MYCBPAP: variants seen among roughly 807,000 people sequenced by gnomAD.
MYCBPAP encodes the protein MYCBP-associated protein.
MYCBPAP carries 60 observed loss-of-function variants against 106.1 expected under a neutral mutation model. The observed-to-expected ratio is 0.57, with a 90% CI of 0.46 to 0.70. The LOEUF (loss-of-function observed/expected upper bound fraction) is 0.70, where lower values mean the gene tolerates loss of function less well. MYCBPAP is among the 30% of genes least tolerant of loss of function. MYCBPAP has a pLI of 0.00. For missense variants in MYCBPAP, 1,064 were observed against 1,169.3 expected (o/e 0.91, Z 1.31); for synonymous variants, 407 against 440.6 (o/e 0.92, Z 0.95).
intron 7 of MYCBPAP, 104 bp downstream of exon 7, chr17:50,519,891 C>T (rs2034196421): frequency 3.1e-6 from 4 of 1,307,474 alleles, no homozygotes; most frequent in Non-Finnish European, 4.1e-6. Flanking sequence ...GGCCCAGGGC[C>T]TGTTTCTCTG....
intron 6 of MYCBPAP, 145 bp from the exon 7 acceptor site, chr17:50,519,495 A>T: frequency 1.0e-6 from 1 of 973,346 alleles, no homozygotes; most frequent in Non-Finnish European, 1.5e-6. Context: ...ACGGCAGTGG[A>T]TGCTTCTGTT....
At position 50,529,206 on chromosome 17, in the gene MYCBPAP, G is replaced by A. The variant is rs879008939; in HGVS notation, c.2724+18G>A. 3 of 1,602,190 alleles carry A rather than the reference G, an allele frequency of 1.9e-6. No individual in the cohort carries two copies. Among genetic ancestry groups the A allele is most frequent in the Non-Finnish European group, 2.6e-6 (3 of 1,175,760 alleles). On this transcript the variant is annotated intron_variant, in intron 18 of 18. Coordinates refer to ENST00000323776, the MANE Select transcript of MYCBPAP (RefSeq NM_032133.6). ...ACAGTGAGGTGAAGGGAAGCGCCCA[G>A]CAGCCATTCCCCTGCCTCCCACCTG... is the stretch of plus-strand genomic sequence containing the variant.
At chr17:50,518,221 C>A (rs1336741905) in intron 4 of MYCBPAP, among the ~76,000 whole-genome samples, 1 of 152,240 alleles carries the variant, frequency 6.6e-6, no homozygotes, top group African/African-American at 2.4e-5. Context: ...CGCTAAGGGG[C>A]CTGGGGCCCT....
chr17:50,521,299 T>TTC lies in MYCBPAP; in HGVS notation c.1033-14_1033-13dup. On this transcript the variant is annotated splice_polypyrimidine_tract_variant and intron_variant, in intron 8 of 18. Transcript: ENST00000323776. ...TGTCTTCAGTCAGCTCATCTTACCT[T>TTC]TCTCCATCTCTCGGAGGATATTGAT... The TTC allele has an allele frequency of 6.3e-7, 1 of 1,595,470 alleles. No homozygotes were observed. Among genetic ancestry groups the TTC allele is most frequent in the Non-Finnish European group, 8.5e-7 (1 of 1,169,880 alleles).
At chr17:50,511,924 T>C (rs2033864007) in intron 1 of MYCBPAP, among the ~76,000 whole-genome samples, 1 of 152,116 alleles carries the variant, frequency 6.6e-6, no homozygotes, top group South Asian at 2.1e-4. Context: ...CATTCTGAAA[T>C]GCACCTGTCA....
intron 9 of MYCBPAP, 103 bp downstream of exon 9, chr17:50,521,534 C>T: frequency 1.1e-6 from 1 of 872,542 alleles, no homozygotes; most frequent in East Asian, 2.7e-5. Flanking sequence ...TGCCTCTAGC[C>T]TAGCTTCTGT....
chr17:50,525,784 C>T, intron 13 of MYCBPAP, 97 bp from the exon 14 acceptor site: 1 of 1,418,088 alleles, frequency 7.1e-7, no homozygotes, highest in Non-Finnish European at 9.4e-7. Flanking sequence ...AGCCACTGTG[C>T]CTGGCCCTTG....
chr17:50,514,314 G>A (rs891422885), intron 1 of MYCBPAP, among the ~76,000 whole-genome samples: 3 of 152,160 alleles, frequency 2.0e-5, no homozygotes, highest in African/African-American at 4.8e-5. Context: ...TTATGTTTTC[G>A]TGATATTGCC....
rs758750696 is a variant in MYCBPAP at position 50,508,665 on chromosome 17, G to T, written c.-10G>T. On this transcript the variant is annotated 5_prime_UTR_variant, in exon 1 of 19. Coordinates refer to ENST00000323776, the MANE Select transcript of MYCBPAP (RefSeq NM_032133.6). ...GTGCAGGGCAACGTTTCATGGTGCC[G>T]GGCGGCACCATGAAGTCTCTAAAGA... The T allele has an allele frequency of 1.2e-6, 2 of 1,601,322 alleles. No homozygotes were observed. Among genetic ancestry groups the T allele is most frequent in the Non-Finnish European group, 8.5e-7 (1 of 1,172,314 alleles).
At chr17:50,517,519 G>A in intron 3 of MYCBPAP, 67 bp downstream of exon 3, 1 of 1,613,746 alleles carries the variant, frequency 6.2e-7, no homozygotes, top group East Asian at 2.2e-5. Flanking sequence ...GAGAAACCCA[G>A]TCTCCATCAG....
At chr17:50,529,918 AGTG>A (rs202160894) in intron 18 of MYCBPAP, 6,538 of 444,204 alleles carry the variant, frequency 0.015, 87 homozygotes, top group Middle Eastern at 0.023. Flanking sequence ...TTTGTTTGTT[AGTG>A]TTGTTGTTTG....
chr17:50,529,440 C>T lies in MYCBPAP; in HGVS notation c.2724+252C>T, dbSNP rs2034566725. On this transcript the variant is annotated intron_variant, in intron 18 of 18. Coordinates refer to ENST00000323776, the MANE Select transcript of MYCBPAP (RefSeq NM_032133.6). Reference sequence around the variant, plus strand: ...AGGCCTCAGTGAGGAGGTGACAACCCACAAAGATTTGAAGGGAGGGGAAGG... The same window carrying T: ...AGGCCTCAGTGAGGAGGTGACAACCTACAAAGATTTGAAGGGAGGGGAAGG... 8.7e-6 allele frequency: 4 copies of T among 461,370 alleles called. No individual in the cohort carries two copies. In the East Asian group the frequency reaches 1.7e-4, roughly 19 times the overall value. The allele number at this position is 461,370 out of a possible 1,614,324, so 28.6% of individuals were successfully genotyped here. A position where few individuals can be genotyped will look rare whatever the true frequency, so the allele number is the denominator to read the frequency against.
intron 13 of MYCBPAP, 100 bp from the exon 14 acceptor site, chr17:50,525,781 G>A: frequency 7.1e-7 from 1 of 1,407,428 alleles, no homozygotes; most frequent in East Asian, 2.3e-5. Context: ...TTGAGCCACT[G>A]TGCCTGGCCC....
intron 18 of MYCBPAP, 89 bp downstream of exon 18, chr17:50,529,277 T>A: frequency 7.8e-7 from 1 of 1,283,758 alleles, no homozygotes; most frequent in Non-Finnish European, 1.1e-6. Flanking sequence ...GCCCACTCCA[T>A]CATGGTGGAA....
chr17:50,516,640 T>C lies in MYCBPAP; in HGVS notation c.147T>C (p.Asn49=). Residue 49 remains asparagine (N), a synonymous_variant, in exon 2 of 19, where the codon AAT becomes AAC. Transcript: ENST00000323776. ...AGGAAGAGCCTGAACCTGTTAGCAA[T>C]GTCCTACAAGGAGATGACATTCTTG... The part of the protein sequence containing the change: ...TIQEEPEPVS[N]VLQGDDILAL... 1 of 1,614,172 alleles carries C rather than the reference T, an allele frequency of 6.2e-7. No individual in the cohort carries two copies. The highest frequency in any genetic ancestry group is 8.5e-7 in the Non-Finnish European group (1 of 1,180,024).
intron 1 of MYCBPAP, among the ~76,000 whole-genome samples, chr17:50,511,701 A>C (rs1479471314): frequency 3.3e-5 from 5 of 152,292 alleles, no homozygotes; most frequent in Admixed American, 3.3e-4. Context: ...GAGAAATGTC[A>C]GCTGGGTGGC....
At chr17:50,522,707 A>AAAAAAAAAAAAAAAAAATAT (rs2034307971) in intron 10 of MYCBPAP, 1 of 32,780 alleles carries the variant, frequency 3.1e-5, no homozygotes, top group Non-Finnish European at 5.2e-5. Context: ...AAAAAAAAAA[A>AAAAAAAAAAAAAAAAAATAT]AAATATATAT....
At chr17:50,515,510 G>A (rs188317879) in intron 1 of MYCBPAP, among the ~76,000 whole-genome samples, 1 of 152,336 alleles carries the variant, frequency 6.6e-6, no homozygotes, top group African/African-American at 2.4e-5. Context: ...CCAGAAGCAT[G>A]GATCAGTGCC....
intron 14 of MYCBPAP, 45 bp downstream of exon 14, chr17:50,526,312 C>T (rs2034459170): frequency 6.6e-7 from 1 of 1,526,404 alleles, no homozygotes; most frequent in Non-Finnish European, 8.7e-7. Flanking sequence ...ATATTCCTGC[C>T]TCGAACCAAC....
Sources: allele counts gnomAD v4.1 joint callset (sites outside exome capture counted in the v4.1 genomes callset), GRCh38; gene constraint gnomAD v4.1.1; transcripts MANE v1.5; gene names NCBI Gene and HGNC (gene_info 2026-07-23, HGNC 2026-07-21).